VDAC1: variants seen among roughly 807,000 people sequenced by gnomAD.
The protein encoded by VDAC1 is voltage dependent anion channel 1, also known as non-selective voltage-gated ion channel VDAC1.
Under a neutral mutation model 34.7 loss-of-function variants are expected in VDAC1, and 10 were observed. The observed-to-expected ratio is 0.29, with a 90% CI of 0.18 to 0.49. The LOEUF (loss-of-function observed/expected upper bound fraction) is 0.49, where lower values mean the gene tolerates loss of function less well. VDAC1 is among the 20% of genes least tolerant of loss of function. The probability of loss-of-function intolerance (pLI) is 0.99; values close to 1 mark genes in which losing one functional copy is unlikely to be tolerated. For synonymous variants in VDAC1, 130 were observed against 136.0 expected, an observed-to-expected ratio of 0.96 and a Z score of 0.30; for missense variants, 230 against 347.9, an observed-to-expected ratio of 0.66 and a Z score of 2.69.
chr5:134,105,334 C>T, the VDAC1 span, among the ~76,000 whole-genome samples: 1 of 152,194 alleles, frequency 6.6e-6, no homozygotes, highest in African/African-American at 2.4e-5. Flanking sequence ...CTGTAGGCTG[C>T]AGAACTATAG....
At chr5:133,975,588 G>A (rs958738863) in intron 7 of VDAC1, among the ~76,000 whole-genome samples, 3 of 151,836 alleles carry the variant, frequency 2.0e-5, no homozygotes, top group African/African-American at 7.3e-5. Context: ...AGCCTCTCGA[G>A]TAGCTGGGAT....
the VDAC1 span, among the ~76,000 whole-genome samples, chr5:134,085,559 C>T: frequency 6.6e-6 from 1 of 151,478 alleles, no homozygotes; most frequent in Non-Finnish European, 1.5e-5. Context: ...GCAGAGAACA[C>T]CTCAGGGGTT....
the VDAC1 span, among the ~76,000 whole-genome samples, chr5:134,057,991 G>T: frequency 2.0e-5 from 3 of 151,170 alleles, no homozygotes; most frequent in Non-Finnish European, 4.4e-5. Context: ...CCACCTCCTG[G>T]GCTCAAGCAA....
the VDAC1 span, among the ~76,000 whole-genome samples, chr5:134,016,521 GT>G: frequency 1.3e-5 from 2 of 152,188 alleles, no homozygotes. Flanking sequence ...GACCCAAGCA[GT>G]TTTTCCTCGA....
chr5:134,045,894 A>T, the VDAC1 span, among the ~76,000 whole-genome samples: 28 of 151,642 alleles, frequency 1.8e-4, no homozygotes, highest in African/African-American at 6.8e-4. Flanking sequence ...CGTGTTGGTC[A>T]GGCTGGTCTC....
the VDAC1 span, among the ~76,000 whole-genome samples, chr5:134,079,272 C>T: frequency 6.6e-6 from 1 of 152,198 alleles, no homozygotes; most frequent in Non-Finnish European, 1.5e-5. Flanking sequence ...AGCCACCACG[C>T]CTGGCCCCCT....
In VDAC1 at chr5:133,975,621, C is replaced by T. The variant is rs146738109; in HGVS notation, c.702+250G>A. ...GATTACAGGCACACGCCACCATGCC[C>T]GGCTAATTTTTGTACTTTTAGTAGA... On this transcript the variant is annotated intron_variant, in intron 7 of 8. Coordinates refer to ENST00000265333, the MANE Select transcript of VDAC1 (RefSeq NM_003374.3). 3.4e-3 allele frequency among the ~76,000 whole-genome samples: 524 copies of T among 152,096 alleles called. 2 individuals are homozygous for T. Among genetic ancestry groups the T allele is most frequent in the African/African-American group, 0.012 (501 of 41,488 alleles).
the VDAC1 span, among the ~76,000 whole-genome samples, chr5:134,011,299 C>T: frequency 6.6e-6 from 1 of 151,952 alleles, no homozygotes; most frequent in South Asian, 2.1e-4. Context: ...GCGCCCAGCC[C>T]CCTCTGCCCT....
the VDAC1 span, among the ~76,000 whole-genome samples, chr5:134,068,297 T>C: frequency 6.6e-6 from 1 of 152,036 alleles, no homozygotes; most frequent in Admixed American, 6.6e-5. Flanking sequence ...ATATTCTTTT[T>C]CCCCTTAGTA....
intron 6 of VDAC1, among the ~76,000 whole-genome samples, chr5:133,979,302 C>A (rs1374448294): frequency 6.6e-6 from 1 of 152,130 alleles, no homozygotes. Context: ...GAAAACACTT[C>A]CCATGCCAAT....
At chr5:134,038,491 A>G in the VDAC1 span, among the ~76,000 whole-genome samples, 1 of 152,080 alleles carries the variant, frequency 6.6e-6, no homozygotes, top group Non-Finnish European at 1.5e-5. Flanking sequence ...AGGAGTTGGG[A>G]CTTTATTTCC....
At chr5:133,980,689 A>ACCCCCCC in intron 6 of VDAC1, 40 bp downstream of exon 6, 3 of 564,058 alleles carry the variant, frequency 5.3e-6, no homozygotes, top group East Asian at 3.4e-5. Flanking sequence ...ACATGCTCCA[A>ACCCCCCC]CCCCACCCCT....
the VDAC1 span, among the ~76,000 whole-genome samples, chr5:134,019,484 G>C: frequency 6.6e-6 from 1 of 152,284 alleles, no homozygotes; most frequent in African/African-American, 2.4e-5. Flanking sequence ...GGAGGCTGAA[G>C]TAGGTGGATT....
At chr5:134,090,811 G>A in the VDAC1 span, among the ~76,000 whole-genome samples, 15 of 152,192 alleles carry the variant, frequency 9.9e-5, no homozygotes, top group Admixed American at 9.8e-4. Flanking sequence ...ACCCACGGAG[G>A]AGAAGACACA....
intron 6 of VDAC1, among the ~76,000 whole-genome samples, chr5:133,978,317 C>A (rs1027836934): frequency 2.0e-5 from 3 of 151,826 alleles, no homozygotes; most frequent in Admixed American, 1.3e-4. Context: ...TAAAAAATTT[C>A]TTAGAGACAG....
At chr5:134,022,195 A>G in the VDAC1 span, among the ~76,000 whole-genome samples, 1 of 152,238 alleles carries the variant, frequency 6.6e-6, no homozygotes, top group Non-Finnish European at 1.5e-5. Flanking sequence ...CTGTGATCTT[A>G]CATAATATCG....
At chr5:134,053,471 CA>C in the VDAC1 span, among the ~76,000 whole-genome samples, 31 of 152,238 alleles carry the variant, frequency 2.0e-4, 1 homozygote, top group Admixed American at 3.9e-4. Flanking sequence ...TGAGCCGTGC[CA>C]GGGGCAGGCG....
chr5:134,051,762 G>A, the VDAC1 span, among the ~76,000 whole-genome samples: 4 of 151,098 alleles, frequency 2.6e-5, no homozygotes, highest in South Asian at 2.1e-4. Flanking sequence ...GCAATAGCAC[G>A]ATCTCGGCTC....
the VDAC1 span, among the ~76,000 whole-genome samples, chr5:134,088,993 G>C: frequency 6.6e-6 from 1 of 152,240 alleles, no homozygotes; most frequent in East Asian, 1.9e-4. Context: ...CATCATGGCA[G>C]CTGGCCCCTT....
Sources: gnomAD v4.1 joint callset for allele counts (sites outside exome capture counted in the v4.1 genomes callset) on GRCh38, gnomAD v4.1.1 for gene constraint, MANE v1.5 for transcripts, NCBI Gene and HGNC (gene_info 2026-07-23, HGNC 2026-07-21) for gene names.